WBP11: variants seen among roughly 807,000 people sequenced by gnomAD.
The protein encoded by WBP11 is WW domain binding protein 11, also known as WW domain-binding protein 11.
A neutral mutation model predicts 66.7 loss-of-function variants in WBP11; 12 were observed. That is an observed-to-expected ratio of 0.18 (90% CI 0.12 to 0.29). The LOEUF (loss-of-function observed/expected upper bound fraction) is 0.29, where lower values mean the gene tolerates loss of function less well. WBP11 is among the 10% of genes least tolerant of loss of function. WBP11 has a pLI of 1.00. For missense variants in WBP11, 555 were observed against 818.3 expected, an observed-to-expected ratio of 0.68 and a Z score of 3.93; for synonymous variants, 255 against 273.8, an observed-to-expected ratio of 0.93 and a Z score of 0.68.
chr12:14,788,337 A>G (rs1254097936), intron 11 of WBP11, among the ~76,000 whole-genome samples: 2 of 152,230 alleles, frequency 1.3e-5, no homozygotes, highest in Non-Finnish European at 2.9e-5. Context: ...CAGTTCAGAC[A>G]TACACAATAT....
chr12:14,793,073 T>C (rs550646682), intron 8 of WBP11, among the ~76,000 whole-genome samples: 8 of 152,216 alleles, frequency 5.3e-5, no homozygotes, highest in African/African-American at 1.9e-4. Context: ...GGAGAAAAAT[T>C]TGTCATTATC....
chr12:14,801,401 T>A lies in WBP11; in HGVS notation c.-18A>T. 1.2e-6 allele frequency: 2 copies of A among 1,611,266 alleles called. No individual in the cohort carries two copies. The highest frequency in any genetic ancestry group is 1.7e-6 in the Non-Finnish European group (2 of 1,179,024). ...CGTCCCATGTTGACAATTTGTATGG[T>A]TTACTTGTTCATTAAAAAAAGAAAA... On this transcript the variant is annotated 5_prime_UTR_variant, in exon 2 of 12. Transcript: ENST00000261167.
At chr12:14,799,106 T>A (rs779597687) in intron 4 of WBP11, among the ~76,000 whole-genome samples, 41 of 152,164 alleles carry the variant, frequency 2.7e-4, no homozygotes, top group Non-Finnish European at 1.9e-4. Flanking sequence ...ATAAAACTAT[T>A]CTATAAAATG....
chr12:14,802,700 G>GT (rs1410915795), intron 1 of WBP11, among the ~76,000 whole-genome samples: 1 of 144,484 alleles, frequency 6.9e-6, no homozygotes, highest in African/African-American at 2.5e-5. Flanking sequence ...GGATGGGGGG[G>GT]TTAGGGGGGT....
intron 3 of WBP11, among the ~76,000 whole-genome samples, 178 bp downstream of exon 3, chr12:14,800,574 C>CA (rs1949950306): frequency 6.6e-6 from 1 of 152,060 alleles, no homozygotes; most frequent in African/African-American, 2.4e-5. Flanking sequence ...AGCTTCTCTG[C>CA]AAAGTTACTT....
At position 14,795,052 on chromosome 12, in the gene WBP11, G is replaced by T; in HGVS notation, c.440C>A (p.Ala147Asp). The T allele has an allele frequency of 6.2e-7, 1 of 1,613,100 alleles. No homozygotes were observed. The highest frequency in any genetic ancestry group is 1.1e-5 in the South Asian group (1 of 91,010). The change falls in exon 6 of 12, where the codon GCT (alanine) becomes GAT (aspartate). Residue 147 changes from alanine to aspartate, a missense_variant. Physicochemically the swap from Ala to Asp is moderately radical, Grantham distance 126 (BLOSUM62 -2). Transcript: ENST00000261167. ...GTCCTGGATCAAAATGTTGGAAGGA[G>T]CATGTGGCATATCTGGCAAAGGAAT... ...ESIPLPDMPH[A>D]PSNILIQDIP... is the part of the protein sequence containing the mutation.
intron 1 of WBP11, among the ~76,000 whole-genome samples, chr12:14,802,481 G>A (rs1010309023): frequency 6.6e-6 from 1 of 152,142 alleles, no homozygotes; most frequent in Non-Finnish European, 1.5e-5. Flanking sequence ...CAAGACAGCG[G>A]TATCAAAGGC....
At chr12:14,793,975 C>A in intron 7 of WBP11, 53 bp from the exon 8 acceptor site, 1 of 1,368,600 alleles carries the variant, frequency 7.3e-7, no homozygotes, top group Non-Finnish European at 9.8e-7. Context: ...CCCTCCACTA[C>A]ATGGTACCCA....
chr12:14,786,470 A>C lies in WBP11; in HGVS notation c.*595T>G, dbSNP rs905775033. Reference sequence around the variant, plus strand: ...TATGTTTACATATTATCAGTAACACAGAGTATCTTGGTGTAGAACATTTAT... The same window carrying C: ...TATGTTTACATATTATCAGTAACACCGAGTATCTTGGTGTAGAACATTTAT... On this transcript the variant is annotated 3_prime_UTR_variant, in exon 12 of 12. Transcript: ENST00000261167. 1.3e-5 allele frequency: 2 copies of C among 152,310 alleles called. No homozygotes were observed. The highest frequency in any genetic ancestry group is 4.8e-5 in the African/African-American group (2 of 41,466). 9.4% of individuals were successfully genotyped at this position (152,310 alleles called of 1,614,324 possible).
intron 3 of WBP11, 111 bp from the exon 4 acceptor site, chr12:14,799,839 C>CTGGTGGTTGAAACAAGTG: frequency 1.0e-6 from 1 of 975,978 alleles, no homozygotes; most frequent in Non-Finnish European, 1.5e-6. Context: ...TCACTTGTTT[C>CTGGTGGTTGAAACAAGTG]AACCACCAGA....
intron 5 of WBP11, among the ~76,000 whole-genome samples, chr12:14,795,771 C>T (rs919362346): frequency 2.0e-5 from 3 of 151,928 alleles, no homozygotes; most frequent in African/African-American, 7.3e-5. Context: ...TAATATATGT[C>T]AACTAACAAA....
rs111705047 is a variant in WBP11 at position 14,794,747 on chromosome 12, A to C, written c.522-11T>G. 1.5e-3 allele frequency: 2,369 copies of C among 1,538,670 alleles called. 18 individuals are homozygous for C. Among genetic ancestry groups the C allele is most frequent in the Middle Eastern group, 0.014 (81 of 5,678 alleles). On this transcript the variant is annotated splice_polypyrimidine_tract_variant and intron_variant, in intron 6 of 11. Transcript: ENST00000261167. ...GCCCGAGTTGGAGGTCTGTTAAAAA[A>C]AAAAACAAAAACAAAAAAACCCCCA...
At chr12:14,793,122 G>A (rs1208387903) in intron 8 of WBP11, among the ~76,000 whole-genome samples, 1 of 152,034 alleles carries the variant, frequency 6.6e-6, no homozygotes. Context: ...TCTGTTGTAG[G>A]CCACATAAAC....
intron 11 of WBP11, 72 bp from the exon 12 acceptor site, chr12:14,787,570 A>AT: frequency 7.5e-7 from 1 of 1,333,636 alleles, no homozygotes; most frequent in Non-Finnish European, 9.7e-7. Flanking sequence ...AGGACATTTA[A>AT]ATATTGGTTG....
chr12:14,788,809 A>G (rs576712285), intron 11 of WBP11, 142 bp downstream of exon 11: 2 of 471,766 alleles, frequency 4.2e-6, no homozygotes, highest in Non-Finnish European at 7.4e-6. Context: ...CTGTACTTCA[A>G]GCCAGGTCAA....
chr12:14,789,955 T>C (rs1436122405), intron 10 of WBP11, among the ~76,000 whole-genome samples: 2 of 152,232 alleles, frequency 1.3e-5, no homozygotes, highest in Non-Finnish European at 2.9e-5. Context: ...TTGCTTCATT[T>C]CATAAATAAT....
At position 14,801,377 on chromosome 12, in the gene WBP11, G is replaced by T; in HGVS notation, c.7C>A (p.Arg3=). The T allele has an allele frequency of 6.2e-7, 1 of 1,612,374 alleles. No homozygotes were observed. The highest frequency in any genetic ancestry group is 1.1e-5 in the South Asian group (1 of 90,996). Residue 3 remains arginine, a synonymous_variant, in exon 2 of 12, where the codon CGG becomes AGG. Coordinates refer to ENST00000261167, the MANE Select transcript of WBP11 (RefSeq NM_016312.3). MG[R]RSTSSTKSGK... is the part of the protein sequence containing the mutation. Reference sequence around the variant, plus strand: ...CTCTTGGTGGATGATGTAGATCTCCGTCCCATGTTGACAATTTGTATGGTT... The same window carrying T: ...CTCTTGGTGGATGATGTAGATCTCCTTCCCATGTTGACAATTTGTATGGTT...
At position 14,793,864 on chromosome 12, in the gene WBP11, C is replaced by T. The variant is rs564074150; in HGVS notation, c.780G>A (p.Glu260=). 6.2e-7 allele frequency: 1 copy of T among 1,613,898 alleles called. No individual in the cohort carries two copies. Among genetic ancestry groups the T allele is most frequent in the African/African-American group, 1.3e-5 (1 of 74,982 alleles). Residue 260 remains glutamate (E), a synonymous_variant, in exon 8 of 12, where the codon GAG becomes GAA. Transcript: ENST00000261167. ...SSTSEDDGYP[E]DMDQDKHDDS... is the part of the protein sequence containing the mutation. Reference sequence around the variant, plus strand: ...CATCATGCTTATCTTGATCCATGTCCTCAGGATAGCCATCATCTTCACTGG... The same window carrying T: ...CATCATGCTTATCTTGATCCATGTCTTCAGGATAGCCATCATCTTCACTGG...
intron 10 of WBP11, among the ~76,000 whole-genome samples, chr12:14,790,067 A>G (rs1000489400): frequency 3.9e-5 from 6 of 152,244 alleles, no homozygotes; most frequent in Non-Finnish European, 4.4e-5. Context: ...ACTGACATTC[A>G]ACATTCCTAA....
Sources: gnomAD v4.1 joint callset for allele counts (sites outside exome capture counted in the v4.1 genomes callset) on GRCh38, gnomAD v4.1.1 for gene constraint, MANE v1.5 for transcripts, NCBI Gene and HGNC (gene_info 2026-07-23, HGNC 2026-07-21) for gene names.